The following BFSP2 variants were observed in gnomAD, a reference collection of about 807,000 sequenced individuals.
BFSP2 encodes beaded filament structural protein 2.
In BFSP2, 38 loss-of-function variants were observed where a neutral mutation model predicts 44.9. That is an observed-to-expected ratio of 0.85 (90% confidence interval 0.65 to 1.11). The LOEUF (loss-of-function observed/expected upper bound fraction) is 1.11. Among genes scored for constraint, BFSP2 ranks in the 50% least tolerant of loss-of-function variants. The pLI is 0.00. For missense variants in BFSP2, 525 were observed against 533.0 expected, an observed-to-expected ratio of 0.99 and a Z score of 0.15; for synonymous variants, 197 against 209.9, an observed-to-expected ratio of 0.94 and a Z score of 0.53.
At chr3:133,456,402 T>C (rs962969300) in intron 4 of BFSP2, among the ~76,000 whole-genome samples, 17 of 152,260 alleles carry the variant, frequency 1.1e-4, no homozygotes, top group African/African-American at 3.8e-4. Flanking sequence ...AATATCGCAA[T>C]GATGGGCATA....
intron 1 of BFSP2, among the ~76,000 whole-genome samples, chr3:133,424,010 A>G (rs1312724860): frequency 6.9e-6 from 1 of 145,980 alleles, no homozygotes; most frequent in Middle Eastern, 3.6e-3. Context: ...GCATATATCG[A>G]CCAGCTAGTC....
At chr3:133,472,281 C>T in intron 5 of BFSP2, 64 bp from the exon 6 acceptor site, 1 of 1,528,648 alleles carries the variant, frequency 6.5e-7, no homozygotes, top group Non-Finnish European at 8.8e-7. Context: ...CTGCTCTGCA[C>T]ACCTCCCTCT....
At chr3:133,416,243 G>C (rs545156940) in intron 1 of BFSP2, among the ~76,000 whole-genome samples, 1 of 97,102 alleles carries the variant, frequency 1.0e-5, no homozygotes, top group Non-Finnish European at 2.0e-5. Context: ...ACTCAACCCT[G>C]CCCTCTCCCC....
chr3:133,422,803 T>G lies in BFSP2; in HGVS notation c.489+22231T>G, dbSNP rs142242006. Among the ~76,000 whole-genome samples the G allele has an allele frequency of 2.6e-3, 48 of 18,314 alleles. No homozygotes were observed. In the East Asian group the frequency reaches 0.11, roughly 41 times the overall value. The allele number at this position is 18,314 out of a possible 152,430, so 12.0% of individuals were successfully genotyped here. ...GCCCAGGTGTTGCCAAATAGCAGGG[T>G]AGGGAGAAACTGTCCGGACAGGGGG... is the stretch of plus-strand genomic sequence containing the variant. On this transcript the variant is annotated intron_variant, in intron 1 of 6. Transcript: ENST00000302334.
Position 133,448,521 on chromosome 3 carries a change from C to T in BFSP2, c.605C>T (p.Ala202Val). Residue 202 changes from alanine (A) to valine (V), a missense_variant, in exon 3 of 7, where the codon GCA becomes GTA. Coordinates refer to ENST00000302334, the MANE Select transcript of BFSP2 (RefSeq NM_003571.4). ...YENEQPFRKA[A>V]EEEINSLYKV... ...AATGAGCAGCCATTTCGAAAGGCGG[C>T]AGAAGAGGAAATTAACTCTCTGTAT... 1 of 1,613,950 alleles carries T rather than the reference C, an allele frequency of 6.2e-7. No homozygotes were observed. Among genetic ancestry groups the T allele is most frequent in the Non-Finnish European group, 8.5e-7 (1 of 1,180,004 alleles).
chr3:133,429,036 T>A (rs1463729875), intron 1 of BFSP2, among the ~76,000 whole-genome samples: 1 of 152,182 alleles, frequency 6.6e-6, no homozygotes, highest in African/African-American at 2.4e-5. Flanking sequence ...AAACCTTTTT[T>A]TAAAACCTGA....
intron 1 of BFSP2, among the ~76,000 whole-genome samples, chr3:133,405,458 A>G (rs988336493): frequency 2.6e-5 from 4 of 152,190 alleles, no homozygotes; most frequent in African/African-American, 9.7e-5. Flanking sequence ...ACATGCTGGA[A>G]ACTCAGGCAA....
At chr3:133,442,690 G>A (rs1387609682) in intron 1 of BFSP2, among the ~76,000 whole-genome samples, 2 of 152,064 alleles carry the variant, frequency 1.3e-5, no homozygotes, top group Non-Finnish European at 2.9e-5. Context: ...GATACATTGT[G>A]GGGGTAGAAT....
At chr3:133,450,504 A>G in intron 4 of BFSP2, 40 bp downstream of exon 4, 1 of 1,612,284 alleles carries the variant, frequency 6.2e-7, no homozygotes, top group Non-Finnish European at 8.5e-7. Flanking sequence ...TGCCCTATGC[A>G]GAAGGAGGCC....
chr3:133,439,937 A>G (rs1351262118), intron 1 of BFSP2, among the ~76,000 whole-genome samples: 1 of 152,016 alleles, frequency 6.6e-6, no homozygotes, highest in East Asian at 1.9e-4. Flanking sequence ...ACAGAGAGAG[A>G]GAGAGAGAAA....
At chr3:133,411,061 C>G (rs1197396) in intron 1 of BFSP2, among the ~76,000 whole-genome samples, 46,080 of 151,018 alleles carry the variant, frequency 0.31, 7,954 homozygotes, top group East Asian at 0.42. Context: ...TTACAGTTTT[C>G]AAATATTAAA....
chr3:133,457,286 C>G (rs1396045952), intron 4 of BFSP2, among the ~76,000 whole-genome samples: 1 of 152,198 alleles, frequency 6.6e-6, no homozygotes, highest in African/African-American at 2.4e-5. Flanking sequence ...CCCGAAGCAT[C>G]TTCATATCTC....
At chr3:133,401,103 A>G (rs2073359398) in intron 1 of BFSP2, among the ~76,000 whole-genome samples, 1 of 152,250 alleles carries the variant, frequency 6.6e-6, no homozygotes, top group Non-Finnish European at 1.5e-5. Flanking sequence ...TTCAATAGAA[A>G]TATGAACTAC....
chr3:133,429,290 C>G (rs1168877841), intron 1 of BFSP2: 1 of 152,122 alleles, frequency 6.6e-6, no homozygotes, highest in Admixed American at 6.5e-5. Flanking sequence ...AGAATGTGTA[C>G]AGAGAGAGAT....
chr3:133,446,192 G>A (rs1273410351), intron 1 of BFSP2, among the ~76,000 whole-genome samples: 2 of 152,102 alleles, frequency 1.3e-5, no homozygotes, highest in African/African-American at 2.4e-5. Flanking sequence ...AGGCCAAGAT[G>A]GGTGGATAAT....
chr3:133,421,153 G>A (rs1405516947), intron 1 of BFSP2, among the ~76,000 whole-genome samples: 1 of 152,204 alleles, frequency 6.6e-6, no homozygotes, highest in Non-Finnish European at 1.5e-5. Context: ...ATGGCGGCCA[G>A]CACATAGATG....
intron 1 of BFSP2, among the ~76,000 whole-genome samples, chr3:133,427,535 C>T (rs1026548354): frequency 6.6e-6 from 1 of 152,226 alleles, no homozygotes; most frequent in African/African-American, 2.4e-5. Context: ...TTTCCCTGCC[C>T]TTCCTAATCC....
chr3:133,466,760 G>T, intron 4 of BFSP2, 68 bp from the exon 5 acceptor site: 2 of 1,582,482 alleles, frequency 1.3e-6, no homozygotes, highest in Non-Finnish European at 1.7e-6. Context: ...GATTAGAAAG[G>T]CTGGGAAGGA....
chr3:133,430,991 CAAGGTT>C (rs1453715667), intron 1 of BFSP2, among the ~76,000 whole-genome samples: 7 of 152,122 alleles, frequency 4.6e-5, no homozygotes, highest in Non-Finnish European at 8.8e-5. Flanking sequence ...AAGGCATAGT[CAAGGTT>C]AATGCTCCTT....
Sources: gnomAD v4.1 joint callset for allele counts (sites outside exome capture counted in the v4.1 genomes callset) on GRCh38, gnomAD v4.1.1 for gene constraint, MANE v1.5 for transcripts, NCBI Gene and HGNC (gene_info 2026-07-23, HGNC 2026-07-21) for gene names.